Variants in GRID2 observed in about 807,000 individuals in gnomAD.
GRID2 encodes the protein glutamate receptor ionotropic, delta-2.
In GRID2, 33 loss-of-function variants were observed where a neutral mutation model predicts 114.8. That is an observed-to-expected ratio of 0.29 (90% CI 0.22 to 0.38). GRID2 has a LOEUF of 0.38. GRID2 is among the 10% of genes least tolerant of loss of function. The pLI is 1.00. For missense variants in GRID2, 1,184 were observed against 1,257.7 expected, an observed-to-expected ratio of 0.94 and a Z score of 0.89; for synonymous variants, 505 against 449.9, an observed-to-expected ratio of 1.12 and a Z score of -1.55.
At chr4:93,587,719 G>T (rs1737689039) in intron 13 of GRID2, among the ~76,000 whole-genome samples, 2 of 151,886 alleles carry the variant, frequency 1.3e-5, no homozygotes, top group Admixed American at 6.6e-5. Context: ...TACTCCAATG[G>T]TAAAGAAAAT....
intron 2 of GRID2, among the ~76,000 whole-genome samples, chr4:92,718,704 A>C (rs1164809781): frequency 6.8e-6 from 1 of 146,916 alleles, no homozygotes; most frequent in African/African-American, 2.5e-5. Flanking sequence ...TTGAGGCTGC[A>C]ATGAGCCATG....
chr4:93,761,169 T>A (rs543969280), intron 14 of GRID2, among the ~76,000 whole-genome samples: 1 of 152,296 alleles, frequency 6.6e-6, no homozygotes, highest in East Asian at 1.9e-4. Flanking sequence ...AAGATGCACA[T>A]GTCATAACAG....
At chr4:93,278,578 T>A (rs1752319245) in intron 8 of GRID2, among the ~76,000 whole-genome samples, 1 of 151,926 alleles carries the variant, frequency 6.6e-6, no homozygotes, top group Non-Finnish European at 1.5e-5. Flanking sequence ...CAAAATAGTT[T>A]CAGGATGAAG....
At chr4:93,034,836 C>G (rs186488345) in intron 2 of GRID2, among the ~76,000 whole-genome samples, 1 of 152,244 alleles carries the variant, frequency 6.6e-6, no homozygotes, top group African/African-American at 2.4e-5. Flanking sequence ...TCTCCATAAA[C>G]TTTACTCAGT....
rs79231382 is a variant in GRID2, at chr4:93,597,772, C to T, written c.2194-28497C>T. ...TTCTTTTGAATCCAAATATTTCTTT[C>T]TGCCTCAACGAAAATCCTTGCCTAC... is the stretch of plus-strand genomic sequence containing the variant. On this transcript the variant is annotated intron_variant, in intron 13 of 15. Transcript: ENST00000282020. Among the ~76,000 whole-genome samples, 150 of 152,324 alleles carry T rather than the reference C, an allele frequency of 9.8e-4. 2 individuals carry two copies. The East Asian group carries it at 0.027, about 28-fold the overall frequency.
intron 1 of GRID2, among the ~76,000 whole-genome samples, chr4:92,444,301 GAGTC>G (rs1733314360): frequency 6.6e-6 from 1 of 152,174 alleles, no homozygotes; most frequent in African/African-American, 2.4e-5. Flanking sequence ...TCCGTAAAGA[GAGTC>G]AGTGAAGGGA....
At chr4:93,345,231 T>C (rs1052048946) in intron 8 of GRID2, among the ~76,000 whole-genome samples, 3 of 152,048 alleles carry the variant, frequency 2.0e-5, no homozygotes, top group Non-Finnish European at 4.4e-5. Flanking sequence ...GGAAACTTTT[T>C]ATTGTTTTCT....
chr4:93,219,500 G>A (rs1229763525), intron 6 of GRID2, among the ~76,000 whole-genome samples: 1 of 152,044 alleles, frequency 6.6e-6, no homozygotes. Flanking sequence ...TTGCGTTGAG[G>A]ATTTGTTACA....
At chr4:92,888,546 G>A (rs544405394) in intron 2 of GRID2, among the ~76,000 whole-genome samples, 5 of 152,056 alleles carry the variant, frequency 3.3e-5, no homozygotes, top group South Asian at 4.2e-4. Context: ...TTATTGTGGC[G>A]CTGGGGGGAT....
intron 5 of GRID2, among the ~76,000 whole-genome samples, chr4:93,208,806 A>C (rs1449257519): frequency 6.6e-6 from 1 of 151,952 alleles, no homozygotes; most frequent in Non-Finnish European, 1.5e-5. Context: ...TCCTCAGGCA[A>C]TACGTATCTG....
intron 8 of GRID2, among the ~76,000 whole-genome samples, chr4:93,363,036 A>C (rs1380112406): frequency 3.3e-5 from 5 of 152,142 alleles, no homozygotes; most frequent in Non-Finnish European, 1.5e-5. Context: ...CCTGGCCAAC[A>C]TGGTGAAACC....
Position 93,180,208 on chromosome 4 carries a change from C to T in GRID2, c.736-27196C>T, listed in dbSNP as rs576754221. ...ACAGGCATATTTTGGAGACATCACA[C>T]GATGTCTCCAAACCAGAACAAATTT... On this transcript the variant is annotated intron_variant, in intron 4 of 15. Transcript: ENST00000282020. Among the ~76,000 whole-genome samples, 33 of 152,030 alleles carry T rather than the reference C, an allele frequency of 2.2e-4. 1 individual carries two copies. In the South Asian group the frequency reaches 6.4e-3, roughly 30 times the overall value.
intron 2 of GRID2, among the ~76,000 whole-genome samples, chr4:92,913,288 T>A (rs1437137907): frequency 6.6e-6 from 1 of 151,848 alleles, no homozygotes; most frequent in Non-Finnish European, 1.5e-5. Context: ...ACTTGGAAAG[T>A]TTACCTTCCT....
chr4:92,718,216 A>G (rs1735638923), intron 2 of GRID2, among the ~76,000 whole-genome samples: 1 of 152,084 alleles, frequency 6.6e-6, no homozygotes, highest in Admixed American at 6.5e-5. Flanking sequence ...AAAATTATAT[A>G]GTTTAGATAA....
intron 8 of GRID2, among the ~76,000 whole-genome samples, chr4:93,380,421 A>C (rs1313779262): frequency 6.6e-6 from 1 of 151,398 alleles, no homozygotes; most frequent in South Asian, 2.1e-4. Flanking sequence ...TTGATGTTTA[A>C]GCAGATGACT....
intron 8 of GRID2, among the ~76,000 whole-genome samples, chr4:93,258,562 A>C (rs1027005517): frequency 6.6e-6 from 1 of 151,810 alleles, no homozygotes; most frequent in Non-Finnish European, 1.5e-5. Context: ...AAAAAGACTC[A>C]GAGTTGTAAA....
At chr4:93,736,541 AG>A (rs1483737839) in intron 14 of GRID2, among the ~76,000 whole-genome samples, 1 of 152,024 alleles carries the variant, frequency 6.6e-6, no homozygotes, top group Non-Finnish European at 1.5e-5. Flanking sequence ...GCAGAAGGTA[AG>A]CCTGCTTACA....
intron 11 of GRID2, among the ~76,000 whole-genome samples, chr4:93,473,625 G>T (rs955080684): frequency 6.6e-6 from 1 of 151,918 alleles, no homozygotes; most frequent in Admixed American, 6.6e-5. Flanking sequence ...TGTTAAAAAC[G>T]TAGGCAAAAG....
chr4:92,836,626 G>C (rs926273615), intron 2 of GRID2, among the ~76,000 whole-genome samples: 2 of 152,088 alleles, frequency 1.3e-5, no homozygotes, highest in African/African-American at 4.8e-5. Context: ...AAAATGTAAG[G>C]AGGCAGAAAT....
Sources: allele counts gnomAD v4.1 joint callset (sites outside exome capture counted in the v4.1 genomes callset), GRCh38; gene constraint gnomAD v4.1.1; transcripts MANE v1.5; gene names NCBI Gene and HGNC (gene_info 2026-07-23, HGNC 2026-07-21).